The following PIK3C2G variants were observed in gnomAD, a reference collection of about 807,000 sequenced individuals.
The protein encoded by PIK3C2G is phosphatidylinositol-4-phosphate 3-kinase catalytic subunit type 2 gamma.
A neutral mutation model predicts 181.1 loss-of-function variants in PIK3C2G; 168 were observed. The observed-to-expected ratio is 0.93, with a 90% CI of 0.82 to 1.05. PIK3C2G has a LOEUF of 1.05. Ranked by LOEUF, PIK3C2G falls within the 50% of genes least tolerant of loss-of-function variation. The probability of loss-of-function intolerance (pLI) is 0.00; values close to 1 mark genes in which losing one functional copy is unlikely to be tolerated. For synonymous variants in PIK3C2G, 573 were observed against 592.2 expected (o/e 0.97, Z 0.47); for missense variants, 1,869 against 1,732.8 (o/e 1.08, Z -1.40).
intron 30 of PIK3C2G, 124 bp from the exon 31 acceptor site, chr12:18,609,411 C>T: frequency 3.3e-6 from 2 of 609,034 alleles, no homozygotes; most frequent in South Asian, 4.1e-5. Context: ...GATTCTTCAA[C>T]ATTATCTGAA....
intron 18 of PIK3C2G, among the ~76,000 whole-genome samples, chr12:18,483,807 C>T (rs1328642918): frequency 1.3e-5 from 2 of 151,962 alleles, no homozygotes; most frequent in African/African-American, 4.8e-5. Flanking sequence ...AACAAATAGC[C>T]CCACAGTTTC....
chr12:18,267,818 T>C (rs761665050), intron 1 of PIK3C2G, among the ~76,000 whole-genome samples: 2 of 152,368 alleles, frequency 1.3e-5, no homozygotes, highest in Non-Finnish European at 1.5e-5. Context: ...TGGACTGTTT[T>C]TGTACTTTCT....
At chr12:18,273,662 A>C (rs1024756251) in intron 1 of PIK3C2G, among the ~76,000 whole-genome samples, 4 of 152,146 alleles carry the variant, frequency 2.6e-5, no homozygotes, top group Admixed American at 6.6e-5. Flanking sequence ...TTTAAGATGG[A>C]TTAAAGACTT....
chr12:18,572,679 T>A (rs1038553005), intron 29 of PIK3C2G, among the ~76,000 whole-genome samples: 9 of 151,882 alleles, frequency 5.9e-5, no homozygotes, highest in African/African-American at 2.2e-4. Context: ...GCTTGTACCA[T>A]TTCTTCTCTT....
chr12:18,415,956 G>A (rs922532358), intron 16 of PIK3C2G, among the ~76,000 whole-genome samples: 1 of 152,134 alleles, frequency 6.6e-6, no homozygotes, highest in Non-Finnish European at 1.5e-5. Flanking sequence ...TAAGGTTTAA[G>A]AAAAAAGCCG....
intron 29 of PIK3C2G, among the ~76,000 whole-genome samples, chr12:18,584,146 G>A (rs1946650179): frequency 6.6e-6 from 1 of 150,962 alleles, no homozygotes; most frequent in African/African-American, 2.4e-5. Flanking sequence ...TCCTGCCCCA[G>A]CCTCCTGAGT....
chr12:18,612,081 C>T (rs571347137), intron 31 of PIK3C2G, among the ~76,000 whole-genome samples: 1 of 152,162 alleles, frequency 6.6e-6, no homozygotes, highest in South Asian at 2.1e-4. Flanking sequence ...ACTTCTTGGC[C>T]TCTTAACCTC....
chr12:18,721,713 A>G, the PIK3C2G span, among the ~76,000 whole-genome samples: 2 of 138,494 alleles, frequency 1.4e-5, no homozygotes, highest in South Asian at 4.7e-4. Context: ...AAGTCTTGCT[A>G]TTAAAAAAAA....
At chr12:18,313,925 G>A (rs780169568) in intron 5 of PIK3C2G, 37 bp from the exon 6 acceptor site, 3 of 994,278 alleles carry the variant, frequency 3.0e-6, no homozygotes, top group African/African-American at 3.2e-5. Flanking sequence ...GGAATATTAT[G>A]GGAGGATATG....
intron 2 of PIK3C2G, among the ~76,000 whole-genome samples, chr12:18,284,952 A>G (rs1949379861): frequency 4.6e-5 from 7 of 152,146 alleles, no homozygotes; most frequent in Admixed American, 4.6e-4. Flanking sequence ...GAGCAAAATT[A>G]ATTTGAAGAA....
rs1361917824 is a variant in PIK3C2G, at chr12:18,343,332, T to G, written c.1401T>G (p.Phe467Leu). 7.3e-7 allele frequency: 1 copy of G among 1,362,588 alleles called. No homozygotes were observed. Among genetic ancestry groups the G allele is most frequent in the East Asian group, 2.5e-5 (1 of 39,640 alleles). 84.4% of individuals were successfully genotyped at this position (1,362,588 alleles called of 1,614,324 possible). A position where few individuals can be genotyped will look rare whatever the true frequency, so the allele number is the denominator to read the frequency against. Reference protein sequence around the residue: ...SLILQRKGENFYQSSETSAKG... With the variant: ...SLILQRKGENLYQSSETSAKG... ...AATTTTACATTTTTTTTCAGAATTTTTATCAAAGTTCAGAGACTTCAGCAA... is the reference window on the plus strand; with the variant it reads ...AATTTTACATTTTTTTTCAGAATTTGTATCAAAGTTCAGAGACTTCAGCAA... The change falls in exon 10 of 33, where the codon TTT (phenylalanine) becomes TTG (leucine). Residue 467 changes from phenylalanine (F) to leucine (L), a missense_variant. Coordinates refer to ENST00000538779, the MANE Select transcript of PIK3C2G (RefSeq NM_001288772.2).
At chr12:18,703,128 T>C in the PIK3C2G span, among the ~76,000 whole-genome samples, 2,464 of 152,300 alleles carry the variant, frequency 0.016, 63 homozygotes, top group African/African-American at 0.056. Context: ...AGTTCCAGAA[T>C]TGGACTATGA....
chr12:18,533,607 C>A (rs1943672290), intron 24 of PIK3C2G, among the ~76,000 whole-genome samples: 1 of 152,068 alleles, frequency 6.6e-6, no homozygotes, highest in Non-Finnish European at 1.5e-5. Flanking sequence ...TTTCAAAACA[C>A]TATTGTTCTT....
At chr12:18,716,845 A>G in the PIK3C2G span, among the ~76,000 whole-genome samples, 3 of 152,256 alleles carry the variant, frequency 2.0e-5, no homozygotes, top group Non-Finnish European at 4.4e-5. Context: ...AACTGGTAAT[A>G]AAAATAAATT....
chr12:18,286,389 T>C (rs535232362), intron 2 of PIK3C2G, among the ~76,000 whole-genome samples: 1 of 152,088 alleles, frequency 6.6e-6, no homozygotes, highest in Non-Finnish European at 1.5e-5. Context: ...GTGGAACAGT[T>C]ACACAATGGA....
At chr12:18,295,264 C>T (rs1949889160) in intron 5 of PIK3C2G, among the ~76,000 whole-genome samples, 1 of 151,842 alleles carries the variant, frequency 6.6e-6, no homozygotes, top group Admixed American at 6.6e-5. Context: ...CTTCTCCCAA[C>T]ATACAATTTT....
At chr12:18,473,487 T>C (rs1938654134) in intron 18 of PIK3C2G, among the ~76,000 whole-genome samples, 1 of 152,180 alleles carries the variant, frequency 6.6e-6, no homozygotes, top group East Asian at 1.9e-4. Context: ...CTGGTGCTCA[T>C]GTCTGCTACT....
intron 7 of PIK3C2G, among the ~76,000 whole-genome samples, chr12:18,323,930 A>T (rs1951215778): frequency 1.3e-5 from 2 of 152,156 alleles, no homozygotes; most frequent in African/African-American, 4.8e-5. Context: ...ATATAAAGAC[A>T]CTGCCATTGG....
intron 5 of PIK3C2G, among the ~76,000 whole-genome samples, chr12:18,299,493 A>ACAACTTGACTTTCTCTTTTC (rs1950086356): frequency 1.3e-5 from 2 of 152,026 alleles, no homozygotes; most frequent in Admixed American, 1.3e-4. Context: ...GCAAAGAGGG[A>ACAACTTGACTTTCTCTTTTC]CAACTTGACT....
Sources: allele counts gnomAD v4.1 joint callset (sites outside exome capture counted in the v4.1 genomes callset), GRCh38; gene constraint gnomAD v4.1.1; transcripts MANE v1.5; gene names NCBI Gene and HGNC (gene_info 2026-07-23, HGNC 2026-07-21).